Variants in CCDC158 observed in about 807,000 individuals in gnomAD.
CCDC158 encodes coiled-coil domain containing 158, also known as coiled-coil domain-containing protein 158.
CCDC158 carries 116 observed loss-of-function variants against 138.6 expected under a neutral mutation model. The ratio of observed to expected loss-of-function variants is 0.84; its 90% CI spans 0.72 to 0.98. CCDC158 has a LOEUF of 0.98. Among genes scored for constraint, CCDC158 ranks in the 50% least tolerant of loss-of-function variants. The pLI is 0.00. For synonymous variants in CCDC158, 436 were observed against 442.4 expected, an observed-to-expected ratio of 0.99 and a Z score of 0.18; for missense variants, 1,265 against 1,306.1, an observed-to-expected ratio of 0.97 and a Z score of 0.48.
Position 76,334,090 on chromosome 4 carries a change from C to A in CCDC158, c.2742G>T (p.Val914=). The A allele has an allele frequency of 1.2e-6, 2 of 1,613,962 alleles. No individual in the cohort carries two copies. The highest frequency in any genetic ancestry group is 1.7e-6 in the Non-Finnish European group (2 of 1,179,854). Residue 914 remains valine (V), a synonymous_variant, in exon 19 of 25, where the codon GTG becomes GTT. Coordinates refer to ENST00000682701, the MANE Select transcript of CCDC158 (RefSeq NM_001394954.1). The part of the protein sequence containing the change: ...LKQLLQELRS[V]INEEPAVSLS... ...GAGACACAGCTGGCTCCTCATTGAT[C>A]ACGCTTCTCAACTCTTGGAGAAGCT... is the stretch of plus-strand genomic sequence containing the variant.
chr4:76,337,870 C>T (rs2110122739), intron 18 of CCDC158, among the ~76,000 whole-genome samples: 1 of 152,332 alleles, frequency 6.6e-6, no homozygotes, highest in South Asian at 2.1e-4. Flanking sequence ...CCTGCTCTCC[C>T]CTACCCCAGT....
chr4:76,371,322 A>T (rs999397328), intron 10 of CCDC158, 95 bp downstream of exon 10: 2 of 1,244,150 alleles, frequency 1.6e-6, no homozygotes, highest in Admixed American at 2.2e-5. Flanking sequence ...TATTTTGTAA[A>T]TTTGTAATTT....
At chr4:76,314,372 T>C (rs1719173986) in intron 24 of CCDC158, among the ~76,000 whole-genome samples, 1 of 152,218 alleles carries the variant, frequency 6.6e-6, no homozygotes, top group Admixed American at 6.5e-5. Context: ...AGATGGCAGA[T>C]AGGAGACAGG....
chr4:76,356,606 C>G (rs1318706144), intron 14 of CCDC158: 1 of 152,080 alleles, frequency 6.6e-6, no homozygotes, highest in Non-Finnish European at 1.5e-5. Context: ...AGGGCCAAAC[C>G]ACACAAAATA....
intron 18 of CCDC158, among the ~76,000 whole-genome samples, chr4:76,339,907 C>G (rs561650353): frequency 6.6e-6 from 1 of 152,330 alleles, no homozygotes; most frequent in South Asian, 2.1e-4. Flanking sequence ...GATACACCCA[C>G]AGCATACACG....
At position 76,358,066 on chromosome 4, in the gene CCDC158, AG is replaced by A. The variant is rs748803723; in HGVS notation, c.2021-541del. 2.0e-5 allele frequency among the ~76,000 whole-genome samples: 3 copies of A among 152,272 alleles called. No individual in the cohort carries two copies. The East Asian group carries it at 5.8e-4, about 29-fold the overall frequency. On this transcript the variant is annotated intron_variant, in intron 13 of 24. Coordinates refer to ENST00000682701, the MANE Select transcript of CCDC158 (RefSeq NM_001394954.1). The stretch of plus-strand genomic sequence containing the variant: ...TTAGATTTATATAGAAAAGGATCAA[AG>A]CTCCAGCTCCATTTGTCCAGACATC...
intron 24 of CCDC158, among the ~76,000 whole-genome samples, chr4:76,321,921 T>C (rs1409955197): frequency 6.6e-6 from 1 of 151,280 alleles, no homozygotes; most frequent in Non-Finnish European, 1.5e-5. Flanking sequence ...AAAACAAACA[T>C]TGTATGTTCT....
intron 11 of CCDC158, among the ~76,000 whole-genome samples, chr4:76,369,075 C>A (rs1200717809): frequency 1.3e-5 from 2 of 151,986 alleles, no homozygotes; most frequent in Non-Finnish European, 2.9e-5. Flanking sequence ...ATTAGCTGGG[C>A]ATGGTGGCAC....
chr4:76,396,172 T>C (rs1224296120), intron 4 of CCDC158, 97 bp downstream of exon 4: 1 of 764,764 alleles, frequency 1.3e-6, no homozygotes, highest in Admixed American at 3.4e-5. Flanking sequence ...GTTAGTTTTT[T>C]CTTCCAGGAA....
chr4:76,336,084 A>T (rs1246789305), intron 18 of CCDC158, among the ~76,000 whole-genome samples: 1 of 143,290 alleles, frequency 7.0e-6, no homozygotes, highest in Non-Finnish European at 1.5e-5. Context: ...TGGGAGGCTG[A>T]GGCAGGAGAA....
chr4:76,320,895 A>G (rs563202486), intron 24 of CCDC158, among the ~76,000 whole-genome samples: 1 of 152,278 alleles, frequency 6.6e-6, no homozygotes, highest in South Asian at 2.1e-4. Flanking sequence ...TGCAACAAAC[A>G]CAAAGATAAA....
Position 76,403,124 on chromosome 4 carries a change from T to C in CCDC158, c.70+14A>G. On this transcript the variant is annotated intron_variant, in intron 3 of 24. Coordinates refer to ENST00000682701, the MANE Select transcript of CCDC158 (RefSeq NM_001394954.1). ...TCTATTTTTTCCCCATTTTGTTTTA[T>C]AAACAGCACATACCTCCATTAGATG... is the stretch of plus-strand genomic sequence containing the variant. 1 of 1,575,626 alleles carries C rather than the reference T, an allele frequency of 6.3e-7. No homozygotes were observed. Among genetic ancestry groups the C allele is most frequent in the Non-Finnish European group, 8.7e-7 (1 of 1,153,232 alleles).
At chr4:76,419,685 A>T (rs1729962328) in intron 1 of CCDC158, among the ~76,000 whole-genome samples, 1 of 151,674 alleles carries the variant, frequency 6.6e-6, no homozygotes, top group East Asian at 1.9e-4. Context: ...TCTCTCTCTT[A>T]GGACCTTTGC....
intron 4 of CCDC158, among the ~76,000 whole-genome samples, chr4:76,388,127 C>T (rs534538519): frequency 3.7e-4 from 57 of 152,230 alleles, no homozygotes; most frequent in African/African-American, 1.2e-3. Flanking sequence ...TGCTGGCTTC[C>T]GGGGTGACCT....
chr4:76,400,101 T>A (rs1728210498), intron 3 of CCDC158, among the ~76,000 whole-genome samples: 1 of 151,844 alleles, frequency 6.6e-6, no homozygotes, highest in Admixed American at 6.6e-5. Context: ...ATGGTGTGAT[T>A]TTCGTATGTT....
chr4:76,368,624 G>T (rs1000345124), intron 11 of CCDC158, among the ~76,000 whole-genome samples: 18 of 152,128 alleles, frequency 1.2e-4, no homozygotes, highest in Non-Finnish European at 2.9e-5. Context: ...GGCAGTCCAC[G>T]TTTTGCTACT....
chr4:76,387,468 T>C (rs968161374), intron 4 of CCDC158, among the ~76,000 whole-genome samples: 3 of 151,918 alleles, frequency 2.0e-5, no homozygotes, highest in African/African-American at 7.3e-5. Context: ...AGGCAGATCA[T>C]TTGAGCTCAG....
At chr4:76,370,304 T>C (rs1044750921) in intron 10 of CCDC158, among the ~76,000 whole-genome samples, 7 of 152,048 alleles carry the variant, frequency 4.6e-5, no homozygotes, top group Non-Finnish European at 8.8e-5. Flanking sequence ...TGCTTCAGGA[T>C]AGTATTTGAG....
intron 10 of CCDC158, among the ~76,000 whole-genome samples, chr4:76,369,919 C>G (rs1194375547): frequency 6.6e-6 from 1 of 151,946 alleles, no homozygotes; most frequent in African/African-American, 2.4e-5. Context: ...CTTGCATTTT[C>G]TAAGAAAGAC....
Sources: gnomAD v4.1 joint callset for allele counts (sites outside exome capture counted in the v4.1 genomes callset) on GRCh38, gnomAD v4.1.1 for gene constraint, MANE v1.5 for transcripts, NCBI Gene and HGNC (gene_info 2026-07-23, HGNC 2026-07-21) for gene names.